The following MTMR3 variants were observed in gnomAD, a reference collection of about 807,000 sequenced individuals.
MTMR3 encodes the protein phosphatidylinositol-3,5-bisphosphate 3-phosphatase MTMR3.
MTMR3 carries 32 observed loss-of-function variants against 132.4 expected under a neutral mutation model. The observed-to-expected ratio is 0.24, with a 90% CI of 0.18 to 0.32. MTMR3 has a LOEUF of 0.32. Ranked by LOEUF, MTMR3 falls within the 10% of genes least tolerant of loss-of-function variation. MTMR3 has a pLI of 1.00. For synonymous variants in MTMR3, 556 were observed against 550.3 expected (o/e 1.01, Z -0.14); for missense variants, 1,216 against 1,489.6 (o/e 0.82, Z 3.02).
rs1337846494 is a variant in MTMR3 at position 30,023,397 on chromosome 22, C to A, written c.3425+700C>A. The A allele has an allele frequency of 1.0e-5, 16 of 1,589,588 alleles. No individual in the cohort carries two copies. In the East Asian group the frequency reaches 3.1e-4, roughly 31 times the overall value. On this transcript the variant is annotated intron_variant, in intron 19 of 19. Transcript: ENST00000401950. ...AGGACATGTATCTCCCCACCCTGCA[C>A]CCCAAGCCCAGATATCTTTGGTTGG...
chr22:30,003,776 A>G (rs1035305698), intron 9 of MTMR3: 3 of 152,198 alleles, frequency 2.0e-5, no homozygotes, highest in Non-Finnish European at 4.4e-5. Flanking sequence ...TTTGTAATTC[A>G]TTGAATATCT....
At chr22:30,025,513 C>A in intron 19 of MTMR3, 117 bp from the exon 20 acceptor site, 1 of 1,077,382 alleles carries the variant, frequency 9.3e-7, no homozygotes, top group Non-Finnish European at 1.4e-6. Context: ...AGGGTTTGAT[C>A]TCAAGGAGCT....
chr22:29,922,890 G>GTT (rs1244646272), intron 1 of MTMR3, among the ~76,000 whole-genome samples: 75 of 134,576 alleles, frequency 5.6e-4, no homozygotes, highest in African/African-American at 1.5e-3. Context: ...AGTGACTAGT[G>GTT]TTTTTTTTTT....
intron 1 of MTMR3, among the ~76,000 whole-genome samples, chr22:29,947,232 G>C (rs2065970554): frequency 6.6e-6 from 1 of 151,954 alleles, no homozygotes; most frequent in Non-Finnish European, 1.5e-5. Context: ...TTTTATGTTG[G>C]AAAATGCAAG....
chr22:29,931,967 A>G (rs567404493), intron 1 of MTMR3, among the ~76,000 whole-genome samples: 2 of 152,006 alleles, frequency 1.3e-5, no homozygotes, highest in African/African-American at 2.4e-5. Flanking sequence ...TTCACTGTAC[A>G]CCTTCTCAAA....
chr22:29,894,503 CGTGTGT>C lies in MTMR3; in HGVS notation c.-138+11173_-138+11178del, dbSNP rs144670905. Reference sequence around the variant, plus strand: ...AGCCCGAACTCCCAAGTTCTGTATCCGTGTGTGTGTGTGTGTGTGTGTGTGTGTGTG... The same window carrying C: ...AGCCCGAACTCCCAAGTTCTGTATCCGTGTGTGTGTGTGTGTGTGTGTGTG... On this transcript the variant is annotated intron_variant, in intron 1 of 19. Transcript: ENST00000401950. 3.2e-3 allele frequency among the ~76,000 whole-genome samples: 465 copies of C among 147,224 alleles called. 2 individuals are homozygous for C. The highest frequency in any genetic ancestry group is 8.5e-3 in the African/African-American group (341 of 39,924).
At chr22:29,892,389 G>A (rs1275525825) in intron 1 of MTMR3, among the ~76,000 whole-genome samples, 1 of 152,100 alleles carries the variant, frequency 6.6e-6, no homozygotes, top group Non-Finnish European at 1.5e-5. Context: ...GCTGTAATAT[G>A]TATCTCCCTG....
At chr22:29,991,415 C>T (rs539639913) in intron 6 of MTMR3, 89 bp from the exon 7 acceptor site, 15 of 1,316,464 alleles carry the variant, frequency 1.1e-5, no homozygotes, top group African/African-American at 4.5e-5. Flanking sequence ...CACTTCACTA[C>T]GAGTGGGCAT....
At chr22:29,963,602 G>A (rs997279914) in intron 2 of MTMR3, among the ~76,000 whole-genome samples, 3 of 151,670 alleles carry the variant, frequency 2.0e-5, no homozygotes, top group African/African-American at 7.3e-5. Context: ...TGGCCGGGAT[G>A]GTCTCGATCT....
chr22:29,925,356 AT>A (rs1424673249), intron 1 of MTMR3, among the ~76,000 whole-genome samples: 1 of 152,102 alleles, frequency 6.6e-6, no homozygotes, highest in Non-Finnish European at 1.5e-5. Context: ...GTCAGTGTTA[AT>A]TTGTGTGTGC....
At chr22:29,936,736 G>C (rs78750816) in intron 1 of MTMR3, among the ~76,000 whole-genome samples, 1 of 152,132 alleles carries the variant, frequency 6.6e-6, no homozygotes, top group East Asian at 1.9e-4. Context: ...ACATTATTTA[G>C]TGACACCACA....
chr22:29,928,453 T>C (rs930755868), intron 1 of MTMR3, among the ~76,000 whole-genome samples: 5 of 152,182 alleles, frequency 3.3e-5, no homozygotes, highest in Admixed American at 6.5e-5. Flanking sequence ...ATTACAGGCA[T>C]GAGCCACTGT....
In MTMR3 at chr22:29,904,807, G is replaced by T. The variant is rs377269358; in HGVS notation, c.-138+21448G>T. Among the ~76,000 whole-genome samples the T allele has an allele frequency of 2.6e-4, 30 of 114,864 alleles. No individual in the cohort carries two copies. In the East Asian group the frequency reaches 5.1e-3, roughly 19 times the overall value. The allele number at this position is 114,864 out of a possible 152,430, so 75.4% of individuals were successfully genotyped here. A position where few individuals can be genotyped will look rare whatever the true frequency, so the allele number is the denominator to read the frequency against. On this transcript the variant is annotated intron_variant, in intron 1 of 19. Transcript: ENST00000401950. ...AGGAAGATGGACAATGTTCAGAGGG[G>T]TATGTGTGTGTGTTGTGTGTGTGTG... is the stretch of plus-strand genomic sequence containing the variant.
At chr22:29,892,792 G>T (rs900258957) in intron 1 of MTMR3, among the ~76,000 whole-genome samples, 42 of 152,178 alleles carry the variant, frequency 2.8e-4, no homozygotes, top group Admixed American at 2.6e-4. Context: ...CCAGTTAAAA[G>T]AAATGAGATA....
chr22:29,959,874 T>G (rs565505734), intron 2 of MTMR3, among the ~76,000 whole-genome samples: 1 of 151,542 alleles, frequency 6.6e-6, no homozygotes, highest in South Asian at 2.1e-4. Flanking sequence ...TCCTCCCACC[T>G]CAGCCTCCTG....
At chr22:29,976,312 T>C (rs2066628691) in intron 3 of MTMR3, among the ~76,000 whole-genome samples, 1 of 152,140 alleles carries the variant, frequency 6.6e-6, no homozygotes, top group Admixed American at 6.5e-5. Flanking sequence ...CCTAATAGTG[T>C]CTTTTGGAAA....
At chr22:29,930,567 G>A (rs2065621355) in intron 1 of MTMR3, among the ~76,000 whole-genome samples, 2 of 152,120 alleles carry the variant, frequency 1.3e-5, no homozygotes, top group African/African-American at 4.8e-5. Context: ...TGGCACATGT[G>A]TGTAGTCCCA....
At chr22:29,999,571 T>C (rs1216863689) in intron 8 of MTMR3, 1 of 152,260 alleles carries the variant, frequency 6.6e-6, no homozygotes, top group African/African-American at 2.4e-5. Context: ...AATTTTCCAC[T>C]TGTGGCATTA....
At chr22:29,910,993 G>A (rs1225649186) in intron 1 of MTMR3, among the ~76,000 whole-genome samples, 1 of 152,076 alleles carries the variant, frequency 6.6e-6, no homozygotes, top group Non-Finnish European at 1.5e-5. Context: ...AGGGATCTGC[G>A]TCCAACACTT....
Sources: allele counts gnomAD v4.1 joint callset (sites outside exome capture counted in the v4.1 genomes callset), GRCh38; gene constraint gnomAD v4.1.1; transcripts MANE v1.5; gene names NCBI Gene and HGNC (gene_info 2026-07-23, HGNC 2026-07-21).